Variants in CSMD1 observed in about 807,000 individuals in gnomAD.
The protein encoded by CSMD1 is CUB and Sushi multiple domains 1.
Under a neutral mutation model 417.5 loss-of-function variants are expected in CSMD1, and 213 were observed. That is an observed-to-expected ratio of 0.51 (90% CI 0.46 to 0.57). The LOEUF (loss-of-function observed/expected upper bound fraction) is 0.57. Ranked by LOEUF, CSMD1 falls within the 20% of genes least tolerant of loss-of-function variation. The probability of loss-of-function intolerance (pLI) is 0.00; values close to 1 mark genes in which losing one functional copy is unlikely to be tolerated. For missense variants in CSMD1, 6,923 were observed against 4,529.7 expected, an observed-to-expected ratio of 1.53 and a Z score of -15.17; for synonymous variants, 2,862 against 1,736.8, an observed-to-expected ratio of 1.65 and a Z score of -16.11.
At chr8:4,754,934 C>G (rs1049947457) in intron 1 of CSMD1, among the ~76,000 whole-genome samples, 1 of 151,896 alleles carries the variant, frequency 6.6e-6, no homozygotes, top group Non-Finnish European at 1.5e-5. Context: ...GTCGGGAGTT[C>G]GAAACCAGCC....
In CSMD1 at chr8:4,647,971, G is replaced by C. The variant is rs564050367; in HGVS notation, c.86-10413C>G. 1.8e-4 allele frequency among the ~76,000 whole-genome samples: 28 copies of C among 152,302 alleles called. No individual in the cohort carries two copies. In the South Asian group the frequency reaches 5.6e-3, roughly 30 times the overall value. On this transcript the variant is annotated intron_variant, in intron 1 of 69. Coordinates refer to ENST00000635120, the MANE Select transcript of CSMD1 (RefSeq NM_033225.6). The stretch of plus-strand genomic sequence containing the variant: ...TGGTCAAATGGTATTTCTGGTTCTA[G>C]ATCCTTGAGGAACTGCCACACTGTC...
chr8:4,212,580 C>T (rs570767238), intron 3 of CSMD1, among the ~76,000 whole-genome samples: 1 of 151,938 alleles, frequency 6.6e-6, no homozygotes, highest in East Asian at 1.9e-4. Context: ...TGATCAAGGC[C>T]TGACATTGTC....
intron 49 of CSMD1, among the ~76,000 whole-genome samples, chr8:3,069,775 G>A (rs758982424): frequency 6.6e-6 from 1 of 152,196 alleles, no homozygotes; most frequent in African/African-American, 2.4e-5. Context: ...CCCCATTGGA[G>A]ACTCTGCATG....
At chr8:4,317,245 T>TC (rs1798986992) in intron 3 of CSMD1, among the ~76,000 whole-genome samples, 1 of 151,220 alleles carries the variant, frequency 6.6e-6, no homozygotes, top group African/African-American at 2.5e-5. Context: ...AGGGAATTTT[T>TC]CTTTTTTTTA....
At chr8:4,373,327 C>A (rs978896052) in intron 3 of CSMD1, among the ~76,000 whole-genome samples, 1 of 152,100 alleles carries the variant, frequency 6.6e-6, no homozygotes, top group Non-Finnish European at 1.5e-5. Context: ...AGAAAGTATG[C>A]GACATAGGAT....
At chr8:4,274,076 A>T (rs1342791366) in intron 3 of CSMD1, among the ~76,000 whole-genome samples, 3 of 152,190 alleles carry the variant, frequency 2.0e-5, no homozygotes, top group Non-Finnish European at 4.4e-5. Flanking sequence ...TTATTGTAAT[A>T]TATAACTCAT....
chr8:4,118,762 G>A (rs1802307329), intron 3 of CSMD1, among the ~76,000 whole-genome samples: 1 of 152,140 alleles, frequency 6.6e-6, no homozygotes, highest in Non-Finnish European at 1.5e-5. Flanking sequence ...AAAGGAATAT[G>A]AATCGTTCTA....
At chr8:4,230,609 A>T (rs76831997) in intron 3 of CSMD1, among the ~76,000 whole-genome samples, 2 of 152,188 alleles carry the variant, frequency 1.3e-5, no homozygotes, top group Non-Finnish European at 2.9e-5. Flanking sequence ...TTATGTATCA[A>T]GATGTTTTTA....
At chr8:3,451,686 G>C (rs777199073) in intron 12 of CSMD1, among the ~76,000 whole-genome samples, 53 of 152,012 alleles carry the variant, frequency 3.5e-4, no homozygotes, top group Non-Finnish European at 4.0e-4. Flanking sequence ...TCTCTGTTTT[G>C]GAACCAGTAC....
Position 3,631,365 on chromosome 8 carries a change from G to A in CSMD1, c.1010-14568C>T, listed in dbSNP as rs189287260. Among the ~76,000 whole-genome samples, 430 of 152,318 alleles carry A rather than the reference G, an allele frequency of 2.8e-3. 3 individuals carry two copies. The highest frequency in any genetic ancestry group is 9.3e-3 in the African/African-American group (385 of 41,572). On this transcript the variant is annotated intron_variant, in intron 7 of 69. Coordinates refer to ENST00000635120, the MANE Select transcript of CSMD1 (RefSeq NM_033225.6). The stretch of plus-strand genomic sequence containing the variant: ...ACAGAGACTGTCACACAGTAAGAAA[G>A]CAACACGTGAGGTAGTCAGTGACTG...
chr8:4,086,640 C>T (rs540995752), intron 3 of CSMD1, among the ~76,000 whole-genome samples: 1 of 152,174 alleles, frequency 6.6e-6, no homozygotes, highest in Admixed American at 6.5e-5. Context: ...TCTTAATGCA[C>T]CAAGCGATTT....
At chr8:4,475,824 G>C (rs1430227098) in intron 2 of CSMD1, among the ~76,000 whole-genome samples, 1 of 152,010 alleles carries the variant, frequency 6.6e-6, no homozygotes, top group Non-Finnish European at 1.5e-5. Flanking sequence ...TGTTGACCAG[G>C]CTGGTCTCAA....
At chr8:4,625,966 T>C (rs1039748329) in intron 2 of CSMD1, among the ~76,000 whole-genome samples, 13 of 152,222 alleles carry the variant, frequency 8.5e-5, no homozygotes, top group African/African-American at 3.1e-4. Context: ...TCTAGTGATC[T>C]GCCCGCCTTG....
intron 3 of CSMD1, among the ~76,000 whole-genome samples, chr8:4,372,891 G>A (rs1802481881): frequency 6.6e-6 from 1 of 152,162 alleles, no homozygotes; most frequent in Admixed American, 6.6e-5. Flanking sequence ...CCCTCAAGAA[G>A]GCAAAGTGTA....
intron 3 of CSMD1, among the ~76,000 whole-genome samples, chr8:4,230,870 C>A (rs754899428): frequency 1.3e-5 from 2 of 152,054 alleles, no homozygotes; most frequent in Admixed American, 6.6e-5. Flanking sequence ...GATTCTTTAA[C>A]GGCACTAACT....
chr8:4,872,613 C>A (rs1563642373), intron 1 of CSMD1, among the ~76,000 whole-genome samples: 1 of 152,082 alleles, frequency 6.6e-6, no homozygotes, highest in East Asian at 1.9e-4. Context: ...CAGTCTCAGG[C>A]AGTTCTTTAC....
At chr8:3,266,409 C>G (rs964875806) in intron 26 of CSMD1, among the ~76,000 whole-genome samples, 2 of 151,458 alleles carry the variant, frequency 1.3e-5, no homozygotes, top group Admixed American at 6.6e-5. Flanking sequence ...AGATTGAGAC[C>G]AGCCTGGCTA....
intron 1 of CSMD1, among the ~76,000 whole-genome samples, chr8:4,965,143 T>G (rs574263340): frequency 6.6e-6 from 1 of 152,282 alleles, no homozygotes; most frequent in East Asian, 1.9e-4. Flanking sequence ...TACAAGCAAA[T>G]ATTTGTAGAT....
Position 4,939,268 on chromosome 8 carries a change from G to C in CSMD1, c.85+55064C>G, listed in dbSNP as rs188531719. ...GAGATTCCTCAAAAAACTAAAAATA[G>C]AACAACCATATGATGCAGCAATCCT... On this transcript the variant is annotated intron_variant, in intron 1 of 69. Transcript: ENST00000635120. Among the ~76,000 whole-genome samples the C allele has an allele frequency of 2.9e-3, 434 of 152,234 alleles. 2 individuals carry two copies. The highest frequency in any genetic ancestry group is 4.4e-3 in the Non-Finnish European group (296 of 68,020).
Sources: gnomAD v4.1 joint callset for allele counts (sites outside exome capture counted in the v4.1 genomes callset) on GRCh38, gnomAD v4.1.1 for gene constraint, MANE v1.5 for transcripts, NCBI Gene and HGNC (gene_info 2026-07-23, HGNC 2026-07-21) for gene names.